ANK3: variants seen among roughly 807,000 people sequenced by gnomAD.
The protein encoded by ANK3 is ankyrin 3, also known as ankyrin-3.
A neutral mutation model predicts 370.9 loss-of-function variants in ANK3; 57 were observed. The ratio of observed to expected loss-of-function variants is 0.15; its 90% CI spans 0.12 to 0.19. The LOEUF (loss-of-function observed/expected upper bound fraction) is 0.19, where lower values mean the gene tolerates loss of function less well. Ranked by LOEUF, ANK3 falls within the 10% of genes least tolerant of loss-of-function variation. ANK3 has a pLI of 1.00. For synonymous variants in ANK3, 1,929 were observed against 1,946.3 expected (o/e 0.99, Z 0.23); for missense variants, 4,439 against 5,302.1 (o/e 0.84, Z 5.06).
chr10:60,137,974 C>T (rs944461682), intron 24 of ANK3, among the ~76,000 whole-genome samples: 1 of 152,016 alleles, frequency 6.6e-6, no homozygotes, highest in Non-Finnish European at 1.5e-5. Flanking sequence ...GTTAATGACA[C>T]CTGCTACAAT....
intron 31 of ANK3, 128 bp downstream of exon 31, chr10:60,085,029 A>G: frequency 1.2e-6 from 1 of 819,912 alleles, no homozygotes; most frequent in East Asian, 2.7e-5. Context: ...GATAATTTTG[A>G]TAAGCAAATA....
At chr10:60,036,756 T>C (rs2075097368) in intron 43 of ANK3, among the ~76,000 whole-genome samples, 1 of 152,108 alleles carries the variant, frequency 6.6e-6, no homozygotes, top group African/African-American at 2.4e-5. Context: ...TTTTAAACTC[T>C]GAAATGTTGC....
chr10:60,131,154 C>A (rs950215434), intron 25 of ANK3, among the ~76,000 whole-genome samples: 1 of 152,172 alleles, frequency 6.6e-6, no homozygotes, highest in Middle Eastern at 3.2e-3. Context: ...ATTATCAATG[C>A]TAAAATTATC....
chr10:60,336,641 A>C (rs2053016523), intron 1 of ANK3, among the ~76,000 whole-genome samples: 1 of 152,200 alleles, frequency 6.6e-6, no homozygotes, highest in Admixed American at 6.5e-5. Flanking sequence ...TTCTAAAATG[A>C]ATGTGCATTT....
At chr10:60,720,181 GCA>G (rs2079844034) in intron 1 of ANK3, among the ~76,000 whole-genome samples, 1 of 152,094 alleles carries the variant, frequency 6.6e-6, no homozygotes, top group Non-Finnish European at 1.5e-5. Flanking sequence ...ACATATATTA[GCA>G]CAGATATTAC....
At chr10:60,295,416 G>A (rs1032369463) in intron 1 of ANK3, among the ~76,000 whole-genome samples, 1 of 152,216 alleles carries the variant, frequency 6.6e-6, no homozygotes, top group African/African-American at 2.4e-5. Context: ...ATGGCACACA[G>A]TTGGTCCCCA....
chr10:60,183,990 T>C (rs2096265247), intron 17 of ANK3, among the ~76,000 whole-genome samples: 1 of 151,714 alleles, frequency 6.6e-6, no homozygotes, highest in Non-Finnish European at 1.5e-5. Flanking sequence ...TATGGGAAAA[T>C]AGGAACATCA....
At chr10:60,297,508 G>A (rs2042791210) in intron 1 of ANK3, among the ~76,000 whole-genome samples, 1 of 152,026 alleles carries the variant, frequency 6.6e-6, no homozygotes, top group Non-Finnish European at 1.5e-5. Context: ...AGAAGACACA[G>A]TTTAATTTTT....
At chr10:60,248,529 CA>C (rs59480647) in intron 7 of ANK3, among the ~76,000 whole-genome samples, 3 of 151,328 alleles carry the variant, frequency 2.0e-5, no homozygotes, top group African/African-American at 4.9e-5. Context: ...AGTTCTGCTA[CA>C]AAAAAAAGGA....
intron 1 of ANK3, among the ~76,000 whole-genome samples, chr10:60,378,051 C>T (rs1312195183): frequency 1.3e-5 from 2 of 152,118 alleles, no homozygotes; most frequent in African/African-American, 4.8e-5. Flanking sequence ...GCCAAGCCCC[C>T]TCCTCAAATT....
At chr10:60,666,158 C>T (rs2078992913) in intron 1 of ANK3, among the ~76,000 whole-genome samples, 1 of 152,106 alleles carries the variant, frequency 6.6e-6, no homozygotes, top group Admixed American at 6.6e-5. Flanking sequence ...ATAAGCAACC[C>T]AAGTGTCCAT....
intron 1 of ANK3, among the ~76,000 whole-genome samples, chr10:60,707,280 T>C (rs564793588): frequency 6.6e-6 from 1 of 152,292 alleles, no homozygotes; most frequent in South Asian, 2.1e-4. Context: ...AGCCAATCAA[T>C]ATGAAACCTT....
At chr10:60,259,621 G>A (rs939903344) in intron 7 of ANK3, among the ~76,000 whole-genome samples, 1 of 152,106 alleles carries the variant, frequency 6.6e-6, no homozygotes, top group East Asian at 1.9e-4. Flanking sequence ...GAATCACTTG[G>A]AAAAGTCTGA....
chr10:60,618,053 T>C (rs1008264458), intron 1 of ANK3, among the ~76,000 whole-genome samples: 5 of 152,124 alleles, frequency 3.3e-5, no homozygotes, highest in African/African-American at 9.6e-5. Flanking sequence ...TATTTTATGA[T>C]ATTAAATTTT....
intron 2 of ANK3, among the ~76,000 whole-genome samples, chr10:60,585,532 G>C (rs1480798318): frequency 6.6e-6 from 1 of 152,116 alleles, no homozygotes; most frequent in Non-Finnish European, 1.5e-5. Context: ...ACAAAGGTCA[G>C]ATTAAGAATA....
intron 23 of ANK3, among the ~76,000 whole-genome samples, chr10:60,159,801 A>G (rs777257495): frequency 1.3e-5 from 2 of 152,166 alleles, no homozygotes; most frequent in Non-Finnish European, 2.9e-5. Flanking sequence ...AAATTAAACA[A>G]TATGCTCCTG....
At chr10:60,269,019 T>C (rs1367128185) in intron 5 of ANK3, among the ~76,000 whole-genome samples, 5 of 152,234 alleles carry the variant, frequency 3.3e-5, no homozygotes, top group South Asian at 2.1e-4. Flanking sequence ...GCAGTTTATC[T>C]ACTGCCATCT....
chr10:60,431,274 A>G (rs140916300), intron 2 of ANK3, among the ~76,000 whole-genome samples: 1 of 152,258 alleles, frequency 6.6e-6, no homozygotes, highest in Non-Finnish European at 1.5e-5. Context: ...TCCCTCACAC[A>G]CATAGTTCAC....
intron 1 of ANK3, among the ~76,000 whole-genome samples, chr10:60,286,083 A>T (rs1264464006): frequency 6.6e-6 from 1 of 152,180 alleles, no homozygotes; most frequent in Non-Finnish European, 1.5e-5. Context: ...AACATATATG[A>T]ACAGTTCAAA....
Sources: allele counts gnomAD v4.1 joint callset (sites outside exome capture counted in the v4.1 genomes callset), GRCh38; gene constraint gnomAD v4.1.1; transcripts MANE v1.5; gene names NCBI Gene and HGNC (gene_info 2026-07-23, HGNC 2026-07-21).